Variants in PHF14 observed in about 807,000 individuals in gnomAD.
The protein encoded by PHF14 is PHD finger protein 14.
A neutral mutation model predicts 117.9 loss-of-function variants in PHF14; 55 were observed. That is an observed-to-expected ratio of 0.47 (90% CI 0.38 to 0.58). PHF14 has a LOEUF of 0.58. Ranked by LOEUF, PHF14 falls within the 20% of genes least tolerant of loss-of-function variation. PHF14 has a pLI of 0.00. For missense variants in PHF14, 978 were observed against 1,122.2 expected, an observed-to-expected ratio of 0.87 and a Z score of 1.84; for synonymous variants, 409 against 368.6, an observed-to-expected ratio of 1.11 and a Z score of -1.26.
intron 2 of PHF14, among the ~76,000 whole-genome samples, 170 bp from the exon 3 acceptor site, chr7:10,982,202 T>C (rs34933725): frequency 0.02 from 3,046 of 152,308 alleles, 51 homozygotes; most frequent in Non-Finnish European, 0.034. Context: ...ACTTCATTGA[T>C]TTATTATTTG....
intron 16 of PHF14, chr7:11,062,375 A>C (rs1785256209): frequency 5.0e-6 from 1 of 199,558 alleles, no homozygotes. Flanking sequence ...CATGAAAGTA[A>C]TTTGATCTAA....
At chr7:11,077,816 A>G (rs916637501) in intron 16 of PHF14, among the ~76,000 whole-genome samples, 8 of 152,186 alleles carry the variant, frequency 5.3e-5, no homozygotes, top group African/African-American at 9.6e-5. Flanking sequence ...AATTGCAGTC[A>G]CTTGAAATTT....
At chr7:11,073,734 C>G (rs545490466) in intron 16 of PHF14, among the ~76,000 whole-genome samples, 2 of 152,218 alleles carry the variant, frequency 1.3e-5, no homozygotes, top group Non-Finnish European at 2.9e-5. Flanking sequence ...TGTGAAGGCT[C>G]TGTCTCTGTG....
chr7:11,135,630 G>C (rs1278821906), intron 17 of PHF14, among the ~76,000 whole-genome samples: 1 of 151,932 alleles, frequency 6.6e-6, no homozygotes, highest in Non-Finnish European at 1.5e-5. Context: ...CTCCATCTTT[G>C]TTAAGAAGCA....
chr7:11,089,781 T>A (rs1786570934), intron 16 of PHF14, among the ~76,000 whole-genome samples: 1 of 148,736 alleles, frequency 6.7e-6, no homozygotes, highest in Non-Finnish European at 1.5e-5. Context: ...TTTTTTTTTT[T>A]TTTTTTGAGA....
intron 16 of PHF14, among the ~76,000 whole-genome samples, chr7:11,063,895 A>G (rs985682554): frequency 6.6e-6 from 1 of 151,816 alleles, no homozygotes; most frequent in African/African-American, 2.4e-5. Flanking sequence ...CAATATGCCA[A>G]TGTCTGGAAT....
At chr7:10,997,276 A>AT (rs1782688462) in intron 4 of PHF14, among the ~76,000 whole-genome samples, 2 of 152,318 alleles carry the variant, frequency 1.3e-5, no homozygotes, top group East Asian at 3.9e-4. Flanking sequence ...CATGAGGGTC[A>AT]TTGGCCATCT....
At chr7:10,993,537 A>T (rs927206690) in intron 4 of PHF14, among the ~76,000 whole-genome samples, 1 of 152,206 alleles carries the variant, frequency 6.6e-6, no homozygotes, top group Admixed American at 6.5e-5. Context: ...TATGAAATAG[A>T]ATGTACACAT....
intron 4 of PHF14, among the ~76,000 whole-genome samples, chr7:11,001,954 A>G (rs10267002): frequency 0.11 from 17,264 of 152,082 alleles, 1,202 homozygotes; most frequent in African/African-American, 0.2. Flanking sequence ...CTAGTTTCTC[A>G]TCGTTAAGTA....
intron 2 of PHF14, among the ~76,000 whole-genome samples, chr7:10,977,439 T>A (rs887915388): frequency 1.3e-5 from 2 of 152,122 alleles, no homozygotes; most frequent in African/African-American, 4.8e-5. Context: ...ACTATAAAAC[T>A]TTTTATATTT....
intron 17 of PHF14, among the ~76,000 whole-genome samples, chr7:11,159,282 A>G (rs990219756): frequency 3.3e-5 from 5 of 152,036 alleles, no homozygotes; most frequent in Non-Finnish European, 5.9e-5. Flanking sequence ...GGTGTGATCT[A>G]TAACTATTTT....
intron 14 of PHF14, among the ~76,000 whole-genome samples, chr7:11,058,669 C>T (rs1278444123): frequency 1.3e-5 from 2 of 152,152 alleles, no homozygotes; most frequent in Non-Finnish European, 2.9e-5. Context: ...TGTAAGAAAT[C>T]TTCATTGGGC....
chr7:11,039,083 A>G (rs753010374), intron 11 of PHF14, among the ~76,000 whole-genome samples: 15 of 152,150 alleles, frequency 9.9e-5, no homozygotes, highest in Non-Finnish European at 1.6e-4. Flanking sequence ...CTTGTGTGCA[A>G]AATTTTTTCA....
chr7:11,060,307 A>G (rs2128329156), intron 14 of PHF14, among the ~76,000 whole-genome samples: 1 of 152,318 alleles, frequency 6.6e-6, no homozygotes, highest in South Asian at 2.1e-4. Context: ...GTTAAGTTTA[A>G]TTGGGTGTAG....
intron 6 of PHF14, among the ~76,000 whole-genome samples, chr7:11,027,116 C>T (rs146349615): frequency 2.0e-5 from 3 of 152,240 alleles, no homozygotes; most frequent in East Asian, 3.9e-4. Context: ...TATATTCACT[C>T]TGAAATCCCT....
Position 11,072,717 on chromosome 7 carries a change from T to G in PHF14, c.2654+10632T>G, listed in dbSNP as rs533122284. On this transcript the variant is annotated intron_variant, in intron 16 of 17. Transcript: ENST00000634607. ...ATTGCTATAAATACCTGAGGCTAGC[T>G]AATTTATAAAGAAAGTAAGTTTATT... Among the ~76,000 whole-genome samples the G allele has an allele frequency of 6.6e-4, 100 of 152,358 alleles. 1 individual carries two copies. The highest frequency in any genetic ancestry group is 3.3e-3 in the Admixed American group (50 of 15,304).
In PHF14 at chr7:11,036,972, T is replaced by C; in HGVS notation, c.1874-13T>C. The stretch of plus-strand genomic sequence containing the variant: ...TTCCTACTAAAGTAAAATTCGATAT[T>C]TCATTTAAATAGAGAGAAATATGCG... On this transcript the variant is annotated splice_polypyrimidine_tract_variant and intron_variant, in intron 9 of 17. Transcript: ENST00000634607. 6.8e-7 allele frequency: 1 copy of C among 1,461,824 alleles called. No individual in the cohort carries two copies. The highest frequency in any genetic ancestry group is 9.3e-7 in the Non-Finnish European group (1 of 1,077,022). 90.6% of individuals were successfully genotyped at this position (1,461,824 alleles called of 1,614,324 possible).
intron 2 of PHF14, among the ~76,000 whole-genome samples, chr7:10,978,972 T>G (rs1420388414): frequency 6.6e-6 from 1 of 152,132 alleles, no homozygotes; most frequent in East Asian, 1.9e-4. Context: ...TGTAAATAAC[T>G]AGTAGAATAG....
intron 4 of PHF14, among the ~76,000 whole-genome samples, chr7:10,995,850 G>A (rs1213333973): frequency 3.3e-5 from 5 of 152,170 alleles, no homozygotes; most frequent in Non-Finnish European, 5.9e-5. Flanking sequence ...ATGCCCACCC[G>A]GAACTCGCGC....
Sources: allele counts gnomAD v4.1 joint callset (sites outside exome capture counted in the v4.1 genomes callset), GRCh38; gene constraint gnomAD v4.1.1; transcripts MANE v1.5; gene names NCBI Gene and HGNC (gene_info 2026-07-23, HGNC 2026-07-21).